NPAS3: variants seen among roughly 807,000 people sequenced by gnomAD.
NPAS3 encodes neuronal PAS domain-containing protein 3.
Under a neutral mutation model 73.1 loss-of-function variants are expected in NPAS3, and 14 were observed. The observed-to-expected ratio is 0.19, with a 90% CI of 0.13 to 0.30. NPAS3 has a LOEUF of 0.30. Among genes scored for constraint, NPAS3 ranks in the 10% least tolerant of loss-of-function variants. NPAS3 has a pLI of 1.00. For missense variants in NPAS3, 1,096 were observed against 1,250.0 expected (o/e 0.88, Z 1.86); for synonymous variants, 620 against 541.5 (o/e 1.14, Z -2.01).
intron 2 of NPAS3, among the ~76,000 whole-genome samples, chr14:33,198,253 A>G (rs955440869): frequency 1.3e-5 from 2 of 152,014 alleles, no homozygotes; most frequent in Admixed American, 1.3e-4. Flanking sequence ...AAGGGGACCC[A>G]AGCAGTTTGC....
chr14:33,696,431 G>GA (rs1335074741), intron 6 of NPAS3, among the ~76,000 whole-genome samples: 2 of 152,102 alleles, frequency 1.3e-5, no homozygotes, highest in Admixed American at 1.3e-4. Context: ...TTGGGCCATC[G>GA]AAAGACATAA....
rs2037400290 is a variant in NPAS3, at chr14:32,971,075, GTCTT to G, written c.50+31715_50+31718del. ...GGACTTTAGTGAAAATGATTTCTGT[GTCTT>G]TCTTTTTTCTTTTTTTTTTTTTTGA... On this transcript the variant is annotated intron_variant, in intron 1 of 11. Coordinates refer to ENST00000356141, the Ensembl canonical transcript of NPAS3. Among the ~76,000 whole-genome samples, 7 of 139,746 alleles carry G rather than the reference GTCTT, an allele frequency of 5.0e-5. No individual in the cohort carries two copies. The South Asian group carries it at 1.7e-3, about 33-fold the overall frequency. The allele number at this position is 139,746 out of a possible 152,430, so 91.7% of individuals were successfully genotyped here.
At chr14:33,665,382 C>T (rs907959721) in intron 5 of NPAS3, among the ~76,000 whole-genome samples, 3 of 151,974 alleles carry the variant, frequency 2.0e-5, no homozygotes, top group African/African-American at 4.8e-5. Flanking sequence ...CACCATGGCG[C>T]GTGTATACCT....
intron 4 of NPAS3, among the ~76,000 whole-genome samples, chr14:33,411,957 T>C (rs567814098): frequency 6.6e-6 from 1 of 152,292 alleles, no homozygotes; most frequent in African/African-American, 2.4e-5. Context: ...TGTGCCTTAT[T>C]TCCCATTTTA....
intron 4 of NPAS3, among the ~76,000 whole-genome samples, chr14:33,487,950 G>A (rs932867007): frequency 1.3e-5 from 2 of 152,136 alleles, no homozygotes; most frequent in African/African-American, 4.8e-5. Flanking sequence ...GTCTACAAGT[G>A]TATATTTGTT....
intron 3 of NPAS3, among the ~76,000 whole-genome samples, chr14:33,266,547 A>G (rs1360449909): frequency 6.6e-6 from 1 of 152,148 alleles, no homozygotes; most frequent in Non-Finnish European, 1.5e-5. Flanking sequence ...AAAACTAAAT[A>G]CAATTTAATT....
At chr14:33,776,556 A>T (rs889231969) in intron 8 of NPAS3, among the ~76,000 whole-genome samples, 6 of 116,126 alleles carry the variant, frequency 5.2e-5, no homozygotes, top group African/African-American at 2.1e-4. Flanking sequence ...AAAAAAAAAA[A>T]AAAAAGCTTT....
At position 33,544,788 on chromosome 14, in the gene NPAS3, T is replaced by TTTTATATATATATATA. The variant is rs1555409893; in HGVS notation, c.469-15332_469-15331insTTATATATATATATAT. ...GCATGTATGTGTTTATGTGTGTGTA[T>TTTTATATATATATATA]TATATATATATATATATATATATGT... is the stretch of plus-strand genomic sequence containing the variant. On this transcript the variant is annotated intron_variant, in intron 4 of 11. Transcript: ENST00000356141. Among the ~76,000 whole-genome samples the TTTTATATATATATATA allele has an allele frequency of 3.0e-4, 19 of 63,256 alleles. 1 individual carries two copies. The highest frequency in any genetic ancestry group is 1.6e-3 in the African/African-American group (19 of 11,562). The allele number at this position is 63,256 out of a possible 152,430, so 41.5% of individuals were successfully genotyped here. A position where few individuals can be genotyped will look rare whatever the true frequency, so the allele number is the denominator to read the frequency against.
chr14:33,406,084 C>T (rs971618689), intron 4 of NPAS3, among the ~76,000 whole-genome samples: 5 of 151,942 alleles, frequency 3.3e-5, no homozygotes, highest in African/African-American at 1.2e-4. Context: ...AAAAGCAAAT[C>T]ATCTCAAACT....
At chr14:33,220,282 A>G (rs2047375537) in intron 3 of NPAS3, among the ~76,000 whole-genome samples, 1 of 152,106 alleles carries the variant, frequency 6.6e-6, no homozygotes, top group African/African-American at 2.4e-5. Context: ...GTCCCAATCC[A>G]TAGTAGGTGG....
intron 2 of NPAS3, among the ~76,000 whole-genome samples, chr14:33,145,581 T>A (rs1373494785): frequency 6.6e-6 from 1 of 152,204 alleles, no homozygotes. Flanking sequence ...AATCCTCTCA[T>A]CATTTTCAGT....
chr14:33,079,388 G>A (rs527327577), intron 2 of NPAS3, among the ~76,000 whole-genome samples: 11 of 145,860 alleles, frequency 7.5e-5, no homozygotes, highest in South Asian at 2.2e-4. Context: ...GCATGATCTC[G>A]GCTCACTGCA....
intron 2 of NPAS3, among the ~76,000 whole-genome samples, chr14:33,210,777 G>A (rs1319936763): frequency 6.6e-6 from 1 of 151,764 alleles, no homozygotes; most frequent in East Asian, 1.9e-4. Flanking sequence ...TAAAAAAAAA[G>A]GCTCCTTATG....
intron 4 of NPAS3, among the ~76,000 whole-genome samples, chr14:33,429,033 G>A (rs986605001): frequency 6.6e-6 from 1 of 152,082 alleles, no homozygotes; most frequent in African/African-American, 2.4e-5. Flanking sequence ...AGAAACTACA[G>A]ATGTTTGAGC....
chr14:33,198,200 G>C (rs533061097), intron 2 of NPAS3, among the ~76,000 whole-genome samples: 10 of 152,300 alleles, frequency 6.6e-5, no homozygotes, highest in East Asian at 3.9e-4. Context: ...GCAACAGCAA[G>C]AGTTATTGCA....
intron 5 of NPAS3, among the ~76,000 whole-genome samples, chr14:33,586,301 A>T (rs1452741106): frequency 3.3e-5 from 5 of 151,126 alleles, no homozygotes; most frequent in Non-Finnish European, 5.9e-5. Flanking sequence ...GAGTTCCCCC[A>T]TCTGAAAAGT....
intron 3 of NPAS3, among the ~76,000 whole-genome samples, chr14:33,286,066 C>A (rs1383428201): frequency 6.6e-6 from 1 of 152,118 alleles, no homozygotes; most frequent in Non-Finnish European, 1.5e-5. Context: ...AGGCAGGGAC[C>A]ATGACTCTTA....
intron 4 of NPAS3, among the ~76,000 whole-genome samples, chr14:33,479,423 T>A (rs566425230): frequency 6.6e-6 from 1 of 152,270 alleles, no homozygotes; most frequent in South Asian, 2.1e-4. Flanking sequence ...GAGGTCACTG[T>A]CACCTAGATG....
At chr14:33,395,206 C>A (rs1160905418) in intron 4 of NPAS3, among the ~76,000 whole-genome samples, 1 of 152,048 alleles carries the variant, frequency 6.6e-6, no homozygotes, top group Non-Finnish European at 1.5e-5. Flanking sequence ...GAGTTATTAT[C>A]ATTGTTTTGC....
Sources: allele counts gnomAD v4.1 joint callset (sites outside exome capture counted in the v4.1 genomes callset), GRCh38; gene constraint gnomAD v4.1.1; transcripts MANE v1.5; gene names NCBI Gene and HGNC (gene_info 2026-07-23, HGNC 2026-07-21).